The following GATA4 variants were observed in gnomAD, a reference collection of about 807,000 sequenced individuals.
GATA4 encodes transcription factor GATA-4.
In GATA4, 7 loss-of-function variants were observed where a neutral mutation model predicts 37.9. That is an observed-to-expected ratio of 0.18 (90% CI 0.11 to 0.35). The LOEUF is 0.35. Among genes scored for constraint, GATA4 ranks in the 10% least tolerant of loss-of-function variants. The pLI is 1.00. For synonymous variants in GATA4, 372 were observed against 292.6 expected (o/e 1.27, Z -2.77); for missense variants, 647 against 653.0 (o/e 0.99, Z 0.10).
intron 4 of GATA4, among the ~76,000 whole-genome samples, chr8:11,752,197 C>T (rs1474492415): frequency 1.3e-5 from 2 of 152,076 alleles, no homozygotes; most frequent in African/African-American, 2.4e-5. Context: ...CTATGAGTGT[C>T]GAAGGTGCAT....
In GATA4 at chr8:11,758,325, G is replaced by T; in HGVS notation, c.1182G>T (p.Gly394=). The T allele has an allele frequency of 6.2e-7, 1 of 1,614,110 alleles. No individual in the cohort carries two copies. The highest frequency in any genetic ancestry group is 8.5e-7 in the Non-Finnish European group (1 of 1,180,024). The change falls in exon 7 of 7, where the codon GGG becomes GGT. Residue 394 remains glycine, a synonymous_variant. Transcript: ENST00000532059. ...TFSVSAMSGH[G]PSIHPVLSAL... is the part of the protein sequence containing the mutation. Reference sequence around the variant, plus strand: ...CAGTCAGTGCGATGTCTGGCCATGGGCCCTCCATCCACCCTGTCCTCTCGG... The same window carrying T: ...CAGTCAGTGCGATGTCTGGCCATGGTCCCTCCATCCACCCTGTCCTCTCGG...
chr8:11,755,064 A>T lies in GATA4; in HGVS notation c.931A>T (p.Met311Leu), dbSNP rs387906772. The T allele has an allele frequency of 5.6e-6, 9 of 1,613,922 alleles. No homozygotes were observed. The highest frequency in any genetic ancestry group is 7.6e-6 in the Non-Finnish European group (9 of 1,179,916). ...CCTCCAGGTCCCCAGGCCTCTTGCA[A>T]TGCGGAAAGAGGGGATCCAAACCAG... ...KLHGVPRPLA[M>L]RKEGIQTRKR... is the part of the protein sequence containing the mutation. The change falls in exon 5 of 7, where the codon ATG (methionine) becomes TTG (leucine). Residue 311 changes from methionine (M) to leucine (L), a missense_variant. Met to Leu is a conservative substitution (Grantham distance 15). Around this residue, in one of 5 missense-constraint regions of GATA4, gnomAD observed 21 missense variants for 62.6 expected, o/e 0.34. Transcript: ENST00000532059.
intron 2 of GATA4, among the ~76,000 whole-genome samples, chr8:11,741,348 G>A (rs755377972): frequency 2.0e-5 from 3 of 152,072 alleles, no homozygotes; most frequent in Non-Finnish European, 2.9e-5. Flanking sequence ...GCGTGGTGGT[G>A]TGCAACTGTA....
chr8:11,701,849 G>A (rs1433553848), upstream of GATA4, among the ~76,000 whole-genome samples: 2 of 152,096 alleles, frequency 1.3e-5, no homozygotes, highest in African/African-American at 2.4e-5. Flanking sequence ...AAAGGACCGG[G>A]GTGGTGGGGG....
chr8:11,698,861 A>G (rs1047737674), intron 1 of GATA4, among the ~76,000 whole-genome samples: 1 of 152,100 alleles, frequency 6.6e-6, no homozygotes, highest in Non-Finnish European at 1.5e-5. Context: ...AGGCGATAGC[A>G]GCTCCACAGG....
chr8:11,740,600 G>T (rs1216794185), intron 2 of GATA4, among the ~76,000 whole-genome samples: 1 of 152,218 alleles, frequency 6.6e-6, no homozygotes, highest in Non-Finnish European at 1.5e-5. Context: ...TCACCTGAGG[G>T]TGACAGCTGG....
intron 5 of GATA4, among the ~76,000 whole-genome samples, chr8:11,755,366 T>C (rs1009146964): frequency 2.3e-4 from 35 of 152,198 alleles, no homozygotes; most frequent in African/African-American, 7.7e-4. Context: ...GGCCTGATCA[T>C]TGCCGACTGC....
chr8:11,730,475 C>T (rs1050526323), intron 2 of GATA4, among the ~76,000 whole-genome samples: 1 of 152,168 alleles, frequency 6.6e-6, no homozygotes, highest in Non-Finnish European at 1.5e-5. Flanking sequence ...GAATGTGAAA[C>T]AGGGGGATCT....
intron 1 of GATA4, chr8:11,694,524 C>G (rs1195416406): frequency 2.0e-6 from 2 of 985,228 alleles, no homozygotes; most frequent in African/African-American, 1.7e-5. Flanking sequence ...CTTTTGGTTC[C>G]TCTGCTGCTT....
At chr8:11,746,936 CTGTT>C (rs1013132238) in intron 2 of GATA4, among the ~76,000 whole-genome samples, 13 of 152,262 alleles carry the variant, frequency 8.5e-5, no homozygotes, top group African/African-American at 2.2e-4. Flanking sequence ...GTGCAAATGA[CTGTT>C]TGTGTACCCA....
intron 4 of GATA4, 53 bp downstream of exon 4, chr8:11,750,289 C>G (rs1216817290): frequency 3.7e-6 from 6 of 1,605,454 alleles, no homozygotes; most frequent in Non-Finnish European, 5.1e-6. Flanking sequence ...GCCCATCTCT[C>G]AGTCCTCCCT....
chr8:11,679,934 A>T (rs1161109218), intron 1 of GATA4, among the ~76,000 whole-genome samples: 1 of 152,234 alleles, frequency 6.6e-6, no homozygotes, highest in African/African-American at 2.4e-5. Context: ...CGAATAGTTT[A>T]CAAACTCTTT....
intron 4 of GATA4, among the ~76,000 whole-genome samples, chr8:11,750,814 G>A (rs1475480814): frequency 6.7e-6 from 1 of 150,308 alleles, no homozygotes. Context: ...GGGCATGGTG[G>A]TGCATGCCTC....
Position 11,708,824 on chromosome 8 carries a change from C to G in GATA4, c.512C>G (p.Ala171Gly), listed in dbSNP as rs1424583100. Residue 171 changes from alanine to glycine, a missense_variant, in exon 2 of 7, where the codon GCG becomes GGG. Ala to Gly is a moderately conservative substitution (Grantham distance 60, BLOSUM62 0). This residue lies in a region of GATA4 where 379 missense variants were observed against 334.5 expected (regional missense o/e 1.13). Coordinates refer to ENST00000532059, the MANE Select transcript of GATA4 (RefSeq NM_001308093.3). This position sits in a 1 kb window ranked among gnomAD's most constrained non-coding sequence, Gnocchi z 6.7. ...CCGGCTTACATGGCCGACGTGGGCGCGTCCTGGGCCGCAGCCGCCGCCGCC... is the reference window on the plus strand; with the variant it reads ...CCGGCTTACATGGCCGACGTGGGCGGGTCCTGGGCCGCAGCCGCCGCCGCC... ...PYPAYMADVG[A>G]SWAAAAAASA... is the part of the protein sequence containing the mutation. 21 of 1,487,350 alleles carry G rather than the reference C, an allele frequency of 1.4e-5. No homozygotes were observed. The highest frequency in any genetic ancestry group is 1.9e-5 in the Non-Finnish European group (21 of 1,126,330). The allele number at this position is 1,487,350 out of a possible 1,614,324, so 92.1% of individuals were successfully genotyped here.
rs537152275 is a variant in GATA4, at chr8:11,685,274, G to A, written c.-274+8211G>A. Among the ~76,000 whole-genome samples, 4 of 152,316 alleles carry A rather than the reference G, an allele frequency of 2.6e-5. No individual in the cohort carries two copies. The East Asian group carries it at 7.7e-4, about 29-fold the overall frequency. Reference sequence around the variant, plus strand: ...ATTGTGAAACACTTCTACCACAGTCGAGAAAGAGAAGAGAGAAGACTAATG... The same window carrying A: ...ATTGTGAAACACTTCTACCACAGTCAAGAAAGAGAAGAGAGAAGACTAATG... On this transcript the variant is annotated intron_variant, in intron 1 of 6. Coordinates refer to the GATA4 transcript ENST00000528712.
intron 2 of GATA4, among the ~76,000 whole-genome samples, chr8:11,720,779 G>T (rs192774031): frequency 0.055 from 8,183 of 149,522 alleles, 312 homozygotes; most frequent in South Asian, 0.12. Flanking sequence ...ACCTGATCTG[G>T]TTTTTTTTTT....
At chr8:11,725,480 C>T (rs1800876189) in intron 2 of GATA4, among the ~76,000 whole-genome samples, 1 of 152,228 alleles carries the variant, frequency 6.6e-6, no homozygotes, top group Non-Finnish European at 1.5e-5. Flanking sequence ...ATGCCACTGC[C>T]AGGGAGGGAA....
chr8:11,699,897 G>A (rs1049219495), upstream of GATA4, among the ~76,000 whole-genome samples: 1 of 152,130 alleles, frequency 6.6e-6, no homozygotes, highest in Non-Finnish European at 1.5e-5. Flanking sequence ...AGGAAACTCA[G>A]AACAATTTTT....
chr8:11,681,933 C>A (rs1039542134), intron 1 of GATA4, among the ~76,000 whole-genome samples: 1 of 152,196 alleles, frequency 6.6e-6, no homozygotes, highest in Non-Finnish European at 1.5e-5. Context: ...ATCTGAGATC[C>A]TTGCCCCTCA....
Sources: gnomAD v4.1 joint callset for allele counts (sites outside exome capture counted in the v4.1 genomes callset) on GRCh38, gnomAD v4.1.1 for gene constraint, gnomAD v4.1.1 regional missense constraint, Gnocchi (gnomAD v3.1) non-coding constraint, MANE v1.5 for transcripts, NCBI Gene and HGNC (gene_info 2026-07-23, HGNC 2026-07-21) for gene names.